Variants in POLA1 observed in about 807,000 individuals in gnomAD.
POLA1 encodes DNA polymerase alpha 1, catalytic subunit.
POLA1 carries 15 observed loss-of-function variants against 124.0 expected under a neutral mutation model. That is an observed-to-expected ratio of 0.12 (90% CI 0.08 to 0.19). The LOEUF is 0.19. Among genes scored for constraint, POLA1 ranks in the 10% least tolerant of loss-of-function variants. The pLI is 1.00. For synonymous variants in POLA1, 408 were observed against 389.4 expected (o/e 1.05, Z -0.56); for missense variants, 886 against 1,103.4 (o/e 0.80, Z 2.79).
chrX:24,766,521 A>G (rs929381480), intron 26 of POLA1, among the ~76,000 whole-genome samples: 3 of 112,282 alleles, frequency 2.7e-5, no homozygotes, highest in Admixed American at 9.5e-5. Context: ...TGAGTTGCCA[A>G]ATTCTATGGA....
chrX:24,781,135 C>T (rs1031355172), intron 26 of POLA1, among the ~76,000 whole-genome samples: 3 of 111,574 alleles, frequency 2.7e-5, no homozygotes, highest in Non-Finnish European at 5.6e-5. Context: ...ATGGTGTCAT[C>T]TCTTATTGCT....
chrX:24,735,691 C>T (rs2148380359), intron 18 of POLA1, among the ~76,000 whole-genome samples: 1 of 110,467 alleles, frequency 9.1e-6, no homozygotes, highest in South Asian at 3.9e-4. Flanking sequence ...ATAAAAGCAA[C>T]CTATGACTTA....
intron 36 of POLA1, among the ~76,000 whole-genome samples, chrX:24,964,679 G>A (rs1393098095): frequency 8.9e-6 from 1 of 112,513 alleles, no homozygotes; most frequent in Non-Finnish European, 1.9e-5. Flanking sequence ...GTTCCTCACA[G>A]ATTCCATGGG....
intron 26 of POLA1, among the ~76,000 whole-genome samples, chrX:24,809,539 A>G (rs2045863969): frequency 8.9e-6 from 1 of 111,905 alleles, no homozygotes; most frequent in South Asian, 3.8e-4. Flanking sequence ...AATACCATGA[A>G]TAAGAATTGC....
At chrX:24,947,997 A>G (rs1384170649) in intron 36 of POLA1, among the ~76,000 whole-genome samples, 1 of 112,212 alleles carries the variant, frequency 8.9e-6, no homozygotes, top group Admixed American at 9.4e-5. Flanking sequence ...GGCATGGGCA[A>G]ACCATTATTA....
At chrX:24,968,634 C>T (rs781114766) in intron 36 of POLA1, among the ~76,000 whole-genome samples, 9 of 100,025 alleles carry the variant, frequency 9.0e-5, no homozygotes, top group African/African-American at 3.0e-4. Flanking sequence ...ACCCGGGAGG[C>T]GGAGCTTGCA....
intron 34 of POLA1, among the ~76,000 whole-genome samples, chrX:24,848,418 C>T (rs1053379436): frequency 1.8e-5 from 2 of 111,934 alleles, no homozygotes; most frequent in Non-Finnish European, 3.8e-5. Context: ...TTCTTTTGGA[C>T]GAGGCCACAC....
At chrX:24,876,145 G>A (rs907186769) in intron 34 of POLA1, among the ~76,000 whole-genome samples, 11 of 111,920 alleles carry the variant, frequency 9.8e-5, no homozygotes, top group Non-Finnish European at 2.1e-4. Context: ...TTTTTAGATT[G>A]TTTTGTGAAT....
chrX:24,939,941 A>G (rs1204018649), intron 36 of POLA1, among the ~76,000 whole-genome samples: 1 of 112,008 alleles, frequency 8.9e-6, no homozygotes, highest in Non-Finnish European at 1.9e-5. Context: ...ATAATTCTGT[A>G]ATGTGAATGG....
At chrX:24,858,844 T>C (rs2046680913) in intron 34 of POLA1, among the ~76,000 whole-genome samples, 2 of 112,465 alleles carry the variant, frequency 1.8e-5, no homozygotes, top group Admixed American at 9.4e-5. Context: ...CAAAAGTATT[T>C]AAAGTGCCTT....
intron 36 of POLA1, among the ~76,000 whole-genome samples, chrX:24,942,993 G>A (rs181152442): frequency 0.01 from 1,138 of 112,394 alleles, 8 homozygotes; most frequent in Non-Finnish European, 0.015. Flanking sequence ...CACTGGGCCC[G>A]CTGTCCTTGA....
chrX:24,814,385 G>A (rs2045955609), intron 29 of POLA1, among the ~76,000 whole-genome samples: 1 of 111,753 alleles, frequency 8.9e-6, no homozygotes, highest in Non-Finnish European at 1.9e-5. Context: ...TTTTCCTTTG[G>A]GTCTGGTTGA....
At chrX:24,735,210 G>T (rs745960915) in intron 17 of POLA1, among the ~76,000 whole-genome samples, 189 bp from the exon 18 acceptor site, 8 of 112,158 alleles carry the variant, frequency 7.1e-5, no homozygotes, top group African/African-American at 2.6e-4. Context: ...TTACTAGAAT[G>T]AGCTCCTCAG....
Position 24,732,412 on chromosome X carries a change from G to A in POLA1, c.1729G>A (p.Asp577Asn). ...TTTGGTCCATCACAGTTTTGCATTG[G>A]ATAAAGCAGCCCCAAAGCCTCCCTT... ...AALVHHSFALDKAAPKPPFQS... is the reference protein window; with the variant it reads ...AALVHHSFALNKAAPKPPFQS... Residue 577 changes from aspartate (D) to asparagine (N), a missense_variant, in exon 16 of 37, where the codon GAT becomes AAT. By Grantham distance (23) the Asp-to-Asn change is conservative. Transcript: ENST00000379068. 1 of 1,201,266 alleles carries A rather than the reference G, an allele frequency of 8.3e-7. No homozygotes were observed. The highest frequency in any genetic ancestry group is 1.1e-6 in the Non-Finnish European group (1 of 886,462).
intron 34 of POLA1, among the ~76,000 whole-genome samples, chrX:24,861,704 G>A: frequency 8.9e-6 from 1 of 111,882 alleles, no homozygotes; most frequent in Non-Finnish European, 1.9e-5. Flanking sequence ...CAGAAATTTA[G>A]GGAACCTTTT....
chrX:24,941,416 A>C (rs914801828), intron 36 of POLA1, among the ~76,000 whole-genome samples: 1 of 112,056 alleles, frequency 8.9e-6, no homozygotes, highest in Non-Finnish European at 1.9e-5. Context: ...TCATTATCCT[A>C]TAATTCTTGA....
At chrX:24,796,883 G>A (rs745667275) in intron 26 of POLA1, among the ~76,000 whole-genome samples, 2 of 110,815 alleles carry the variant, frequency 1.8e-5, no homozygotes, top group African/African-American at 6.6e-5. Flanking sequence ...CCTGATTCCC[G>A]GTCTCAGTGA....
chrX:24,849,834 G>A (rs1051383872), intron 34 of POLA1, among the ~76,000 whole-genome samples: 1 of 110,927 alleles, frequency 9.0e-6, no homozygotes, highest in African/African-American at 3.3e-5. Flanking sequence ...GTTTCACCGT[G>A]TTAGCCAGGA....
At chrX:24,722,391 A>G (rs1930254743) in intron 10 of POLA1, among the ~76,000 whole-genome samples, 2 of 112,472 alleles carry the variant, frequency 1.8e-5, no homozygotes, top group South Asian at 7.3e-4. Flanking sequence ...AATTACTGAA[A>G]TAGAATAGAA....
Sources: gnomAD v4.1 joint callset for allele counts (sites outside exome capture counted in the v4.1 genomes callset) on GRCh38, gnomAD v4.1.1 for gene constraint, MANE v1.5 for transcripts, NCBI Gene and HGNC (gene_info 2026-07-23, HGNC 2026-07-21) for gene names.